SMPDL3B: variants seen among roughly 807,000 people sequenced by gnomAD.
SMPDL3B encodes acid sphingomyelinase-like phosphodiesterase 3b.
Under a neutral mutation model 37.9 loss-of-function variants are expected in SMPDL3B, and 31 were observed. That is an observed-to-expected ratio of 0.82 (90% confidence interval 0.61 to 1.10). SMPDL3B has a LOEUF of 1.10. SMPDL3B is among the 50% of genes least tolerant of loss of function. The probability of loss-of-function intolerance (pLI) is 0.00; values close to 1 mark genes in which losing one functional copy is unlikely to be tolerated. For synonymous variants in SMPDL3B, 235 were observed against 242.6 expected (o/e 0.97, Z 0.29); for missense variants, 525 against 597.8 (o/e 0.88, Z 1.27).
At position 27,954,419 on chromosome 1, in the gene SMPDL3B, A is replaced by T; in HGVS notation, c.583A>T (p.Asn195Tyr). The change falls in exon 5 of 8, where the codon AAT becomes TAT. Residue 195 changes from asparagine (N) to tyrosine (Y), a missense_variant. Asn to Tyr is a moderately radical substitution (Grantham distance 143). Coordinates refer to ENST00000373894, the MANE Select transcript of SMPDL3B (RefSeq NM_014474.4). ...TGGGCGAATTGTGGTCCTCAACACC[A>T]ATCTGTACTATACCAGCAATGCGCT... ...GAGRIVVLNT[N>Y]LYYTSNALTA... The T allele has an allele frequency of 6.2e-7, 1 of 1,614,098 alleles. No individual in the cohort carries two copies. Among genetic ancestry groups the T allele is most frequent in the African/African-American group, 1.3e-5 (1 of 75,048 alleles).
chr1:27,938,571 C>A (rs1252808171), intron 1 of SMPDL3B, among the ~76,000 whole-genome samples: 1 of 152,116 alleles, frequency 6.6e-6, no homozygotes, highest in Admixed American at 6.5e-5. Context: ...TGAGATCATG[C>A]CAGGTACATT....
At chr1:27,937,292 A>G (rs970192476) in intron 1 of SMPDL3B, among the ~76,000 whole-genome samples, 1 of 152,368 alleles carries the variant, frequency 6.6e-6, no homozygotes, top group South Asian at 2.1e-4. Context: ...ACTGCAGAGA[A>G]GCAGACAGGT....
rs749012060 is a variant in SMPDL3B at position 27,949,120 on chromosome 1, A to T, written c.331A>T (p.Ile111Phe). Residue 111 changes from isoleucine to phenylalanine, a missense_variant, in exon 3 of 8, where the codon ATT becomes TTT. Coordinates refer to ENST00000373894, the MANE Select transcript of SMPDL3B (RefSeq NM_014474.4). ...ACTGGGAGAGGCAGCTGTACTGGAA[A>T]TTGTGGAACGCCTGACCAAGCTCAT... ...EKLGEAAVLE[I>F]VERLTKLIRE... 1.5e-5 allele frequency: 25 copies of T among 1,614,094 alleles called. No individual in the cohort carries two copies. Among genetic ancestry groups the T allele is most frequent in the Non-Finnish European group, 2.0e-5 (24 of 1,180,042 alleles).
Position 27,959,035 on chromosome 1 carries a change from ACTCT to A in SMPDL3B, c.*201_*204del, listed in dbSNP as rs1282427525. On this transcript the variant is annotated 3_prime_UTR_variant, in exon 8 of 8. Coordinates refer to ENST00000373894, the MANE Select transcript of SMPDL3B (RefSeq NM_014474.4). Reference sequence around the variant, plus strand: ...ACTCCAGCCTGGGTGACAAAGCCAGACTCTCTCCAAAAACAAACCAGAAACAGAA... The same window carrying A: ...ACTCCAGCCTGGGTGACAAAGCCAGACTCCAAAAACAAACCAGAAACAGAA... 1.6e-6 allele frequency: 1 copy of A among 616,744 alleles called. No individual in the cohort carries two copies. The highest frequency in any genetic ancestry group is 2.4e-5 in the South Asian group (1 of 42,444). 38.2% of individuals were successfully genotyped at this position (616,744 alleles called of 1,614,324 possible). A position where few individuals can be genotyped will look rare whatever the true frequency, so the allele number is the denominator to read the frequency against.
chr1:27,945,262 T>A lies in SMPDL3B; in HGVS notation c.92T>A (p.Leu31His). The change falls in exon 2 of 8, where the codon CTT becomes CAT. Residue 31 changes from leucine (L) to histidine (H), a missense_variant. Physicochemically the swap from Leu to His is moderately conservative, Grantham distance 99. Coordinates refer to ENST00000373894, the MANE Select transcript of SMPDL3B (RefSeq NM_014474.4). This position sits in a 1 kb window ranked among gnomAD's most constrained non-coding sequence, Gnocchi z 4.0. ...TTCTGGCACATCGCTGACCTGCACC[T>A]TGACCCTGACTACAAGGTATCCAAA... ...GKFWHIADLH[L>H]DPDYKVSKDP... 6.2e-7 allele frequency: 1 copy of A among 1,614,186 alleles called. No individual in the cohort carries two copies. The highest frequency in any genetic ancestry group is 8.5e-7 in the Non-Finnish European group (1 of 1,180,014).
chr1:27,935,665 G>A (rs751941546), intron 1 of SMPDL3B, among the ~76,000 whole-genome samples: 7 of 152,270 alleles, frequency 4.6e-5, no homozygotes, highest in South Asian at 2.1e-4. Context: ...CAAACCACAC[G>A]AACAAGTAAA....
chr1:27,951,998 C>T (rs1261157242), intron 3 of SMPDL3B, among the ~76,000 whole-genome samples: 2 of 152,090 alleles, frequency 1.3e-5, no homozygotes, highest in African/African-American at 2.4e-5. Flanking sequence ...TTTAGTCAAT[C>T]AACAAATAGT....
intron 4 of SMPDL3B, 152 bp downstream of exon 4, chr1:27,953,510 G>A: frequency 1.5e-6 from 1 of 662,360 alleles, no homozygotes; most frequent in Non-Finnish European, 2.5e-6. Flanking sequence ...AGGCAGTCTT[G>A]GGAGCAGACT....
At chr1:27,942,796 TGG>T (rs1250191681) in intron 1 of SMPDL3B, among the ~76,000 whole-genome samples, 1 of 152,210 alleles carries the variant, frequency 6.6e-6, no homozygotes, top group African/African-American at 2.4e-5. Flanking sequence ...CCTGAGTAGC[TGG>T]GATTACAGGC....
Position 27,956,022 on chromosome 1 carries a change from T to C in SMPDL3B, c.945T>C (p.Asn315=). The C allele has an allele frequency of 6.2e-7, 1 of 1,614,042 alleles. No individual in the cohort carries two copies. The highest frequency in any genetic ancestry group is 8.5e-7 in the Non-Finnish European group (1 of 1,179,992). The change falls in exon 7 of 8, where the codon AAT becomes AAC. Residue 315 remains asparagine (N), a synonymous_variant. Coordinates refer to ENST00000373894, the MANE Select transcript of SMPDL3B (RefSeq NM_014474.4). The part of the protein sequence containing the change: ...PWKTTLPGVV[N]GANNPAIRVF... ...AAACCACATTACCTGGAGTGGTCAA[T>C]GGGGCCAACAATCCAGCCATCCGGG...
intron 1 of SMPDL3B, 96 bp downstream of exon 1, chr1:27,935,340 A>G: frequency 1.1e-6 from 1 of 929,380 alleles, no homozygotes; most frequent in Non-Finnish European, 1.7e-6. Context: ...GTGCTTCTAA[A>G]GATAGCAAGG....
At position 27,938,037 on chromosome 1, in the gene SMPDL3B, A is replaced by G. The variant is rs1366815258; in HGVS notation, c.61+2793A>G. On this transcript the variant is annotated intron_variant, in intron 1 of 7. Transcript: ENST00000373894. ...ATAAATGCCCCTTAATCTCCAGGCAATTAAAAGTGGGTATAAATGTGACTG... is the reference window on the plus strand; with the variant it reads ...ATAAATGCCCCTTAATCTCCAGGCAGTTAAAAGTGGGTATAAATGTGACTG... Among the ~76,000 whole-genome samples the G allele has an allele frequency of 3.9e-5, 6 of 152,320 alleles. No homozygotes were observed. In the East Asian group the frequency reaches 1.2e-3, roughly 29 times the overall value.
intron 5 of SMPDL3B, 35 bp from the exon 6 acceptor site, chr1:27,955,649 T>C: frequency 6.3e-7 from 1 of 1,593,232 alleles, no homozygotes; most frequent in Non-Finnish European, 8.6e-7. Flanking sequence ...GGAGAGGGCA[T>C]CTGTGAGCCT....
intron 7 of SMPDL3B, among the ~76,000 whole-genome samples, chr1:27,957,679 T>C (rs1244359049): frequency 1.3e-5 from 2 of 152,118 alleles, no homozygotes; most frequent in African/African-American, 4.8e-5. Flanking sequence ...GTTGTCCACA[T>C]GGGCACTCCA....
At chr1:27,939,325 T>G (rs758419844) in intron 1 of SMPDL3B, among the ~76,000 whole-genome samples, 2 of 152,170 alleles carry the variant, frequency 1.3e-5, no homozygotes, top group Non-Finnish European at 2.9e-5. Flanking sequence ...AAAGATCCCA[T>G]ATCATGTATG....
At chr1:27,956,497 GTCTGACT>G (rs1638289748) in intron 7 of SMPDL3B, 1 of 1,120,638 alleles carries the variant, frequency 8.9e-7, no homozygotes, top group South Asian at 3.2e-5. Flanking sequence ...GCTTCCCACA[GTCTGACT>G]TCAAGCCCAT....
intron 1 of SMPDL3B, among the ~76,000 whole-genome samples, chr1:27,937,130 G>A (rs1180714108): frequency 1.3e-5 from 2 of 152,194 alleles, no homozygotes; most frequent in East Asian, 3.8e-4. Context: ...TCTGAGACAG[G>A]GGATCAGACA....
In SMPDL3B at chr1:27,955,774, A is replaced by C. The variant is rs750990720; in HGVS notation, c.781A>C (p.Lys261Gln). Residue 261 changes from lysine (K) to glutamine (Q), a missense_variant, in exon 6 of 8, where the codon AAG (lysine) becomes CAG (glutamine). By Grantham distance (53) the Lys-to-Gln change is moderately conservative. Transcript: ENST00000373894. ...FREGFNEKYL[K>Q]VVRKHHRVIA... ...GGAGGGCTTCAATGAAAAATACCTG[A>C]AGGTGGTCCGGAAGCATCATCGCGT... is the stretch of plus-strand genomic sequence containing the variant. 7 of 1,614,124 alleles carry C rather than the reference A, an allele frequency of 4.3e-6. No individual in the cohort carries two copies. The South Asian group carries it at 7.7e-5, about 18-fold the overall frequency.
At chr1:27,944,755 A>G (rs1041564709) in intron 1 of SMPDL3B, among the ~76,000 whole-genome samples, 2 of 149,850 alleles carry the variant, frequency 1.3e-5, no homozygotes, top group Non-Finnish European at 3.0e-5. Flanking sequence ...TTAATTTTCC[A>G]AGAAATTCCA....
Sources: allele counts gnomAD v4.1 joint callset (sites outside exome capture counted in the v4.1 genomes callset), GRCh38; gene constraint gnomAD v4.1.1; non-coding constraint Gnocchi (gnomAD v3.1); transcripts MANE v1.5; gene names NCBI Gene and HGNC (gene_info 2026-07-23, HGNC 2026-07-21).